GSTM2: variants seen among roughly 807,000 people sequenced by gnomAD.
GSTM2 encodes glutathione S-transferase mu 2, also known as GST class-mu 2.
In GSTM2, 33 loss-of-function variants were observed where a neutral mutation model predicts 33.3. The observed-to-expected ratio is 0.99, with a 90% CI of 0.75 to 1.33. The LOEUF is 1.33. GSTM2 is among the 40% of genes most tolerant of loss of function. The probability of loss-of-function intolerance (pLI) is 0.00; values close to 1 mark genes in which losing one functional copy is unlikely to be tolerated. For missense variants in GSTM2, 213 were observed against 265.8 expected (o/e 0.80, Z 1.38); for synonymous variants, 93 against 95.6 (o/e 0.97, Z 0.16).
Position 109,669,001 on chromosome 1 carries a change from G to A in GSTM2, c.177+12G>A. ...TGGACTTTCCCAATGTAGGTGCAGG[G>A]GAAGGGGCGGTTTTGGGGGAAAGTG... On this transcript the variant is annotated intron_variant, in intron 3 of 7. Coordinates refer to ENST00000241337, the MANE Select transcript of GSTM2 (RefSeq NM_000848.4). The A allele has an allele frequency of 6.2e-7, 1 of 1,611,546 alleles. No homozygotes were observed. The highest frequency in any genetic ancestry group is 8.5e-7 in the Non-Finnish European group (1 of 1,179,452).
chr1:109,673,392 C>A, intron 7 of GSTM2: 1 of 974,012 alleles, frequency 1.0e-6, no homozygotes, highest in African/African-American at 1.6e-5. Flanking sequence ...TTGAGAGCAG[C>A]AAATCCTACA....
At chr1:109,671,428 C>T in intron 6 of GSTM2, 45 bp from the exon 7 acceptor site, 1 of 1,575,054 alleles carries the variant, frequency 6.3e-7, no homozygotes, top group South Asian at 1.1e-5. Context: ...GTCATACTTC[C>T]TATATTATGG....
chr1:109,676,205 C>T (rs1397879724), downstream of GSTM2, among the ~76,000 whole-genome samples: 2 of 152,190 alleles, frequency 1.3e-5, no homozygotes, highest in African/African-American at 4.8e-5. Flanking sequence ...GGTGGGGACA[C>T]AGCCAAACCA....
At chr1:109,671,676 TCACATTTTTGGC>T in intron 7 of GSTM2, 93 bp downstream of exon 7, 1 of 874,780 alleles carries the variant, frequency 1.1e-6, no homozygotes, top group Non-Finnish European at 2.0e-6. Context: ...AAAGAATAAC[TCACATTTTTGGC>T]CATGTGCGGT....
At chr1:109,673,428 C>T in intron 7 of GSTM2, 1 of 721,442 alleles carries the variant, frequency 1.4e-6, no homozygotes, top group Non-Finnish European at 2.2e-6. Flanking sequence ...GGATTTGAGG[C>T]ATTTGTCCAA....
At chr1:109,672,104 A>G (rs1191895794) in intron 7 of GSTM2, among the ~76,000 whole-genome samples, 1 of 146,174 alleles carries the variant, frequency 6.8e-6, no homozygotes, top group African/African-American at 2.6e-5. Flanking sequence ...ACATGGTGAG[A>G]CCCCTGTCTC....
intron 2 of GSTM2, 63 bp from the exon 3 acceptor site, chr1:109,668,862 G>C: frequency 1.3e-6 from 2 of 1,588,856 alleles, no homozygotes; most frequent in Non-Finnish European, 1.7e-6. Flanking sequence ...CCTTGGGAGG[G>C]TCCCCAGGAA....
intron 7 of GSTM2, among the ~76,000 whole-genome samples, 186 bp from the exon 8 acceptor site, chr1:109,674,561 T>C (rs1477031699): frequency 1.3e-5 from 2 of 152,158 alleles, no homozygotes; most frequent in Non-Finnish European, 2.9e-5. Flanking sequence ...CAACATTACT[T>C]AAAGGAAGTT....
At position 109,668,402 on chromosome 1, in the gene GSTM2, G is replaced by A. The variant is rs778267590; in HGVS notation, c.37-23G>A. The A allele has an allele frequency of 1.6e-5, 26 of 1,612,396 alleles. No individual in the cohort carries two copies. The South Asian group carries it at 2.7e-4, about 17-fold the overall frequency. The stretch of plus-strand genomic sequence containing the variant: ...GTCAGGGACCCTCCATCTCTGACCC[G>A]AGCTGTGGGCCATCTCTCCCAGCTG... On this transcript the variant is annotated intron_variant, in intron 1 of 7. Transcript: ENST00000241337.
chr1:109,673,083 T>C (rs1373680042), intron 7 of GSTM2: 13 of 1,168,184 alleles, frequency 1.1e-5, no homozygotes, highest in Non-Finnish European at 1.5e-5. Context: ...TTGGCCAGGC[T>C]GGTCTCAAAC....
Sources: allele counts gnomAD v4.1 joint callset (sites outside exome capture counted in the v4.1 genomes callset), GRCh38; gene constraint gnomAD v4.1.1; transcripts MANE v1.5; gene names NCBI Gene and HGNC (gene_info 2026-07-23, HGNC 2026-07-21).